The following HOXA3 variants were observed in gnomAD, a reference collection of about 807,000 sequenced individuals.
HOXA3 encodes homeobox A3.
Under a neutral mutation model 30.3 loss-of-function variants are expected in HOXA3, and 8 were observed. The ratio of observed to expected loss-of-function variants is 0.26; its 90% CI spans 0.15 to 0.48. The LOEUF (loss-of-function observed/expected upper bound fraction) is 0.48. Ranked by LOEUF, HOXA3 falls within the 20% of genes least tolerant of loss-of-function variation. The probability of loss-of-function intolerance (pLI) is 0.99; values close to 1 mark genes in which losing one functional copy is unlikely to be tolerated. For missense variants in HOXA3, 653 were observed against 614.4 expected (o/e 1.06, Z -0.66); for synonymous variants, 323 against 273.1 (o/e 1.18, Z -1.80).
At chr7:27,152,077 G>GGTGTGT (rs368928402) in intron 1 of HOXA3, among the ~76,000 whole-genome samples, 3 of 151,496 alleles carry the variant, frequency 2.0e-5, no homozygotes, top group African/African-American at 4.9e-5. Context: ...GAAAGGGAGT[G>GGTGTGT]GTGTGTGTGT....
intron 3 of HOXA3, chr7:27,122,913 T>TG (rs1554337763): frequency 0.015 from 2,117 of 141,370 alleles, 15 homozygotes; most frequent in Non-Finnish European, 0.02. Context: ...TTCTTTTTTT[T>TG]GGCGGGGGAG....
At chr7:27,147,662 C>T in intron 1 of HOXA3, 1 of 1,614,124 alleles carries the variant, frequency 6.2e-7, no homozygotes, top group African/African-American at 1.3e-5. Context: ...TCATAGCCAG[C>T]CTGGTAGAGG....
intron 2 of HOXA3, chr7:27,130,289 C>T: frequency 1.8e-6 from 2 of 1,095,792 alleles, no homozygotes; most frequent in Non-Finnish European, 2.2e-6. Context: ...GCTGGGGGCA[C>T]GGCGCGAGGC....
intron 2 of HOXA3, among the ~76,000 whole-genome samples, chr7:27,127,282 G>A (rs1044231063): frequency 1.3e-5 from 2 of 152,152 alleles, no homozygotes; most frequent in Non-Finnish European, 2.9e-5. Context: ...TCCTGATTTG[G>A]GAAGGTAAGT....
intron 1 of HOXA3, among the ~76,000 whole-genome samples, chr7:27,145,050 C>T (rs1044751558): frequency 6.6e-6 from 1 of 152,178 alleles, no homozygotes; most frequent in Non-Finnish European, 1.5e-5. Flanking sequence ...GTTGCACACG[C>T]GGGACCGAGA....
chr7:27,128,153 GA>G (rs1785361312), intron 2 of HOXA3: 2 of 152,196 alleles, frequency 1.3e-5, no homozygotes, highest in African/African-American at 4.8e-5. Context: ...AACAGCTGCA[GA>G]AACTCCTGGG....
At chr7:27,140,489 C>G (rs1239087045) in intron 1 of HOXA3, 1 of 152,254 alleles carries the variant, frequency 6.6e-6, no homozygotes, top group Non-Finnish European at 1.5e-5. Context: ...GTGCAAATCT[C>G]TAGTTGCGCT....
At chr7:27,114,124 G>A (rs1337052077) in intron 4 of HOXA3, 1 of 151,956 alleles carries the variant, frequency 6.6e-6, no homozygotes, top group Non-Finnish European at 1.5e-5. Flanking sequence ...ATGGGGCTGA[G>A]GCGAGGGGAG....
rs540464568 is a variant in HOXA3, at chr7:27,129,457, C to A, written c.-389-2387G>T. On this transcript the variant is annotated intron_variant, in intron 2 of 5. Coordinates refer to ENST00000612286, the MANE Select transcript of HOXA3 (RefSeq NM_153631.3). ...GAGCGTGTGGGCGATCTCGATGCGG[C>A]GCCGCCGGGTCAGGTATCGATTGAA... 1.9e-6 allele frequency: 3 copies of A among 1,614,152 alleles called. No homozygotes were observed. In the Admixed American group the frequency reaches 5.0e-5, roughly 27 times the overall value.
intron 2 of HOXA3, among the ~76,000 whole-genome samples, chr7:27,132,153 G>C (rs183655158): frequency 1.3e-5 from 2 of 152,290 alleles, no homozygotes; most frequent in East Asian, 3.9e-4. Context: ...AATTAAAGCA[G>C]TGTAAACTAG....
chr7:27,133,329 A>T (rs1257030881), intron 2 of HOXA3, among the ~76,000 whole-genome samples: 1 of 152,250 alleles, frequency 6.6e-6, no homozygotes, highest in Non-Finnish European at 1.5e-5. Flanking sequence ...TTGCCTTTAC[A>T]CAATATCCAA....
chr7:27,110,306 G>T lies in HOXA3; in HGVS notation c.335C>A (p.Pro112His). 6.4e-7 allele frequency: 1 copy of T among 1,564,802 alleles called. No individual in the cohort carries two copies. Among genetic ancestry groups the T allele is most frequent in the Non-Finnish European group, 8.6e-7 (1 of 1,156,610 alleles). Residue 112 changes from proline to histidine, a missense_variant, in exon 5 of 6, where the codon CCT becomes CAT. Physicochemically the swap from Pro to His is moderately conservative, Grantham distance 77. Around this residue, in one of 3 missense-constraint regions of HOXA3, gnomAD observed 320 missense variants for 321.9 expected, o/e 0.99. Transcript: ENST00000612286. ...PQPPQPAPQP[P>H]APTPAAPPPP... is the part of the protein sequence containing the mutation. ...CGGGGGCGCGGCAGGGGTAGGTGCAGGGGGCTGAGGTGCGGGCTGAGGCGG... is the reference window on the plus strand; with the variant it reads ...CGGGGGCGCGGCAGGGGTAGGTGCATGGGGCTGAGGTGCGGGCTGAGGCGG...
chr7:27,151,250 G>A (rs1562734733), intron 1 of HOXA3: 4 of 191,592 alleles, frequency 2.1e-5, no homozygotes, highest in Admixed American at 1.7e-4. Flanking sequence ...GGAGTTCTCG[G>A]GGCAAATCTG....
intron 5 of HOXA3, among the ~76,000 whole-genome samples, chr7:27,109,736 A>G (rs917227641): frequency 6.6e-6 from 1 of 152,190 alleles, no homozygotes; most frequent in African/African-American, 2.4e-5. Context: ...ATTCTGCCAC[A>G]TTTCAGTAAG....
At chr7:27,115,929 C>T (rs1296994943) in intron 4 of HOXA3, 1 of 152,634 alleles carries the variant, frequency 6.6e-6, no homozygotes, top group African/African-American at 2.4e-5. Flanking sequence ...CAAGCGTAGG[C>T]GAGATTATTT....
At chr7:27,151,986 C>T (rs1782986784) in intron 1 of HOXA3, among the ~76,000 whole-genome samples, 1 of 152,186 alleles carries the variant, frequency 6.6e-6, no homozygotes, top group Admixed American at 6.5e-5. Flanking sequence ...CCAAGGGATG[C>T]TGCCCTGTGC....
chr7:27,122,099 C>G (rs1462196057), intron 4 of HOXA3: 4 of 152,386 alleles, frequency 2.6e-5, no homozygotes, highest in African/African-American at 9.6e-5. Context: ...GAGTGTGATA[C>G]AAGTTTTCCT....
chr7:27,124,660 C>T (rs903352580), intron 3 of HOXA3: 5 of 152,160 alleles, frequency 3.3e-5, no homozygotes, highest in African/African-American at 9.7e-5. Flanking sequence ...GAGGCCCTGA[C>T]GACTCCGATC....
chr7:27,113,945 A>T lies in HOXA3; in HGVS notation c.-120-3185T>A, dbSNP rs1005497740. On this transcript the variant is annotated intron_variant, in intron 4 of 5. Coordinates refer to ENST00000612286, the MANE Select transcript of HOXA3 (RefSeq NM_153631.3). This position sits in a 1 kb window ranked among gnomAD's most constrained non-coding sequence, Gnocchi z 4.8. ...GGGCAGCAGCCGCGGCCCGGAGATA[A>T]GCGCTAGTGCGGCGCCGGGCTCTGC... 9 of 151,202 alleles carry T rather than the reference A, an allele frequency of 6.0e-5. No homozygotes were observed. Among genetic ancestry groups the T allele is most frequent in the Non-Finnish European group, 1.2e-4 (8 of 67,678 alleles). The allele number at this position is 151,202 out of a possible 1,614,324, so 9.4% of individuals were successfully genotyped here.
Sources: gnomAD v4.1 joint callset for allele counts (sites outside exome capture counted in the v4.1 genomes callset) on GRCh38, gnomAD v4.1.1 for gene constraint, gnomAD v4.1.1 regional missense constraint, Gnocchi (gnomAD v3.1) non-coding constraint, MANE v1.5 for transcripts, NCBI Gene and HGNC (gene_info 2026-07-23, HGNC 2026-07-21) for gene names.